The following ZFAT variants were observed in gnomAD, a reference collection of about 807,000 sequenced individuals.
ZFAT encodes zinc finger protein ZFAT.
In ZFAT, 64 loss-of-function variants were observed where a neutral mutation model predicts 117.7. The observed-to-expected ratio is 0.54, with a 90% CI of 0.44 to 0.67. The LOEUF (loss-of-function observed/expected upper bound fraction) is 0.67, where lower values mean the gene tolerates loss of function less well. Among genes scored for constraint, ZFAT ranks in the 30% least tolerant of loss-of-function variants. ZFAT has a pLI of 0.00. For missense variants in ZFAT, 1,433 were observed against 1,584.5 expected (o/e 0.90, Z 1.62); for synonymous variants, 679 against 615.0 (o/e 1.10, Z -1.54).
chr8:134,610,773 C>A, intron 3 of ZFAT, 118 bp from the exon 4 acceptor site: 1 of 1,114,874 alleles, frequency 9.0e-7, no homozygotes, highest in Admixed American at 2.4e-5. Context: ...GTCTGCAGTG[C>A]CACGCAGACC....
At position 134,712,984 on chromosome 8, in the gene ZFAT, A is replaced by C; in HGVS notation, c.-121T>G. On this transcript the variant is annotated 5_prime_UTR_variant, in exon 1 of 16. Transcript: ENST00000377838. ...CTTTTTATTTTTATTTTTTTAAGAA[A>C]AGAGCCGGCGAGGTTATGGCGAATC... The C allele has an allele frequency of 3.3e-6, 4 of 1,218,020 alleles. No homozygotes were observed. The highest frequency in any genetic ancestry group is 4.3e-6 in the Non-Finnish European group (4 of 928,202). The allele number at this position is 1,218,020 out of a possible 1,614,324, so 75.5% of individuals were successfully genotyped here. A position where few individuals can be genotyped will look rare whatever the true frequency, so the allele number is the denominator to read the frequency against.
At chr8:134,642,245 C>T (rs532120885) in intron 2 of ZFAT, among the ~76,000 whole-genome samples, 5 of 152,282 alleles carry the variant, frequency 3.3e-5, no homozygotes, top group African/African-American at 9.6e-5. Flanking sequence ...ACCCCTGAAG[C>T]ATGGGTAAGA....
intron 1 of ZFAT, among the ~76,000 whole-genome samples, chr8:134,691,481 T>C (rs186165873): frequency 3.2e-4 from 49 of 152,340 alleles, no homozygotes; most frequent in Non-Finnish European, 5.4e-4. Flanking sequence ...AAACGAGAAC[T>C]CTGGCCACAG....
At chr8:134,635,042 C>G (rs967572395) in intron 3 of ZFAT, among the ~76,000 whole-genome samples, 1 of 152,214 alleles carries the variant, frequency 6.6e-6, no homozygotes, top group Non-Finnish European at 1.5e-5. Flanking sequence ...AGTGTCGCAG[C>G]TGATCTGTCA....
At chr8:134,821,878 TTTC>T in the ZFAT span, among the ~76,000 whole-genome samples, 1 of 152,122 alleles carries the variant, frequency 6.6e-6, no homozygotes, top group Non-Finnish European at 1.5e-5. Context: ...CCAAACAGCA[TTTC>T]TTTTCTAATT....
At position 134,601,998 on chromosome 8, in the gene ZFAT, G is replaced by T; in HGVS notation, c.1721C>A (p.Pro574His). Residue 574 changes from proline (P) to histidine (H), a missense_variant, in exon 6 of 16, where the codon CCC becomes CAC. Around this residue, in one of 5 missense-constraint regions of ZFAT, gnomAD observed 372 missense variants for 355.6 expected, o/e 1.05. Coordinates refer to ENST00000377838, the MANE Select transcript of ZFAT (RefSeq NM_020863.4). ...GACCACGGTGGTTTCCAGCTCACAG[G>T]GTGGCAGGGCTGTGCTTTCGGCCTG... Reference protein sequence around the residue: ...SPQAESTALPPCELETTVVSS... With the variant: ...SPQAESTALPHCELETTVVSS... The T allele has an allele frequency of 1.2e-6, 2 of 1,613,364 alleles. No individual in the cohort carries two copies. The highest frequency in any genetic ancestry group is 1.1e-5 in the South Asian group (1 of 91,072).
chr8:134,742,527 C>A, the ZFAT span, among the ~76,000 whole-genome samples: 26 of 152,324 alleles, frequency 1.7e-4, no homozygotes, highest in Admixed American at 5.9e-4. Flanking sequence ...CTCCAAGTCA[C>A]CCATTATCCT....
intron 12 of ZFAT, among the ~76,000 whole-genome samples, chr8:134,527,098 C>A (rs1223600995): frequency 6.6e-6 from 1 of 152,002 alleles, no homozygotes; most frequent in East Asian, 1.9e-4. Flanking sequence ...CAGGAGAGGG[C>A]ACAGAGATGC....
chr8:134,569,287 GAA>G (rs977880432), intron 10 of ZFAT, among the ~76,000 whole-genome samples: 3 of 152,062 alleles, frequency 2.0e-5, no homozygotes, highest in African/African-American at 7.2e-5. Context: ...AAGCTTATTT[GAA>G]AATACAGCTT....
At position 134,527,806 on chromosome 8, in the gene ZFAT, A is replaced by G. The variant is rs533274165; in HGVS notation, c.3115+5028T>C. On this transcript the variant is annotated intron_variant, in intron 12 of 15. Coordinates refer to ENST00000377838, the MANE Select transcript of ZFAT (RefSeq NM_020863.4). Reference sequence around the variant, plus strand: ...CAGCCAAGCTGATATCCCAAACCCAATAAGAAACACTTGGCAGAGGAGCAT... The same window carrying G: ...CAGCCAAGCTGATATCCCAAACCCAGTAAGAAACACTTGGCAGAGGAGCAT... Among the ~76,000 whole-genome samples the G allele has an allele frequency of 1.2e-3, 177 of 152,358 alleles. 1 individual carries two copies. The highest frequency in any genetic ancestry group is 4.0e-3 in the African/African-American group (166 of 41,586).
rs1206249129 is a variant in ZFAT at position 134,649,117 on chromosome 8, A to C, written c.196+8444T>G. Among the ~76,000 whole-genome samples, 4 of 151,854 alleles carry C rather than the reference A, an allele frequency of 2.6e-5. No homozygotes were observed. The East Asian group carries it at 7.7e-4, about 29-fold the overall frequency. ...TTAAAAAATAAACAACACTCAACAA[A>C]CCAAGAATAAAAAGAGCTTCCTTAA... is the stretch of plus-strand genomic sequence containing the variant. On this transcript the variant is annotated intron_variant, in intron 2 of 15. Transcript: ENST00000377838.
At chr8:134,578,740 G>A (rs1177081151) in intron 10 of ZFAT, among the ~76,000 whole-genome samples, 2 of 152,156 alleles carry the variant, frequency 1.3e-5, no homozygotes, top group African/African-American at 4.8e-5. Context: ...TGGCATGAGG[G>A]TGTTGAGAAG....
chr8:134,768,092 T>C, the ZFAT span, among the ~76,000 whole-genome samples: 1 of 152,224 alleles, frequency 6.6e-6, no homozygotes, highest in Non-Finnish European at 1.5e-5. Context: ...ACTTTGGAGA[T>C]ACTGTTTTTT....
intron 15 of ZFAT, among the ~76,000 whole-genome samples, chr8:134,481,295 G>A (rs10110558): frequency 0.12 from 18,850 of 152,196 alleles, 1,295 homozygotes; most frequent in Middle Eastern, 0.19. Context: ...GAAAGGGTGA[G>A]GGGATGGGGA....
chr8:134,773,280 G>A, the ZFAT span, among the ~76,000 whole-genome samples: 35 of 152,260 alleles, frequency 2.3e-4, no homozygotes, highest in African/African-American at 7.5e-4. Context: ...AAACCTTGAT[G>A]ACAACACATT....
the ZFAT span, among the ~76,000 whole-genome samples, chr8:134,727,015 C>G: frequency 6.6e-6 from 1 of 152,100 alleles, no homozygotes; most frequent in East Asian, 1.9e-4. Context: ...GCTCGCCTAA[C>G]CTTCCTTGCA....
chr8:134,805,124 C>T, the ZFAT span, among the ~76,000 whole-genome samples: 1 of 152,096 alleles, frequency 6.6e-6, no homozygotes, highest in Admixed American at 6.6e-5. Context: ...TGCAATTTCT[C>T]CTAAATAAAT....
chr8:134,708,448 T>C (rs1813865237), intron 1 of ZFAT, among the ~76,000 whole-genome samples: 1 of 152,178 alleles, frequency 6.6e-6, no homozygotes, highest in South Asian at 2.1e-4. Flanking sequence ...GAAACAAATA[T>C]GTCGTTACAG....
At chr8:134,783,848 T>C in the ZFAT span, 1 of 152,228 alleles carries the variant, frequency 6.6e-6, no homozygotes, top group Admixed American at 6.5e-5. Flanking sequence ...CCTCTCTGAA[T>C]GAGTGTGGGT....
Sources: gnomAD v4.1 joint callset for allele counts (sites outside exome capture counted in the v4.1 genomes callset) on GRCh38, gnomAD v4.1.1 for gene constraint, gnomAD v4.1.1 regional missense constraint, MANE v1.5 for transcripts, NCBI Gene and HGNC (gene_info 2026-07-23, HGNC 2026-07-21) for gene names.